The following PCP4L1 variants were observed in gnomAD, a reference collection of about 807,000 sequenced individuals.
PCP4L1 encodes Purkinje cell protein 4 like 1, also known as Purkinje cell protein 4-like protein 1.
In PCP4L1, 9 loss-of-function variants were observed where a neutral mutation model predicts 9.6. The observed-to-expected ratio is 0.94, with a 90% CI of 0.57 to 1.64. The LOEUF is 1.64. PCP4L1 is among the 40% of genes most tolerant of loss of function. PCP4L1 has a pLI of 0.00. For missense variants in PCP4L1, 81 were observed against 80.8 expected, an observed-to-expected ratio of 1.00 and a Z score of -0.01; for synonymous variants, 31 against 28.2, an observed-to-expected ratio of 1.10 and a Z score of -0.31.
Position 161,284,466 on chromosome 1 carries a change from G to T in PCP4L1, c.192G>T (p.Lys64Asn), listed in dbSNP as rs116246087. 1 of 1,613,520 alleles carries T rather than the reference G, an allele frequency of 6.2e-7. No individual in the cohort carries two copies. The highest frequency in any genetic ancestry group is 1.1e-5 in the South Asian group (1 of 91,000). ...GKFRRFQKRK[K>N]DPSS The stretch of plus-strand genomic sequence containing the variant: ...TCCGGCGATTTCAGAAAAGGAAAAA[G>T]GATCCCAGCTCCTGAATGGCCAGGC... Residue 64 changes from lysine (K) to asparagine (N), a missense_variant, in exon 3 of 3, where the codon AAG becomes AAT. Transcript: ENST00000504449.
intron 1 of PCP4L1, among the ~76,000 whole-genome samples, chr1:161,277,495 G>C (rs1669718465): frequency 6.6e-6 from 1 of 152,186 alleles, no homozygotes; most frequent in Non-Finnish European, 1.5e-5. Flanking sequence ...AGAGATTTCA[G>C]AGGATTAAAT....
At chr1:161,261,517 C>T (rs1669416790) in intron 1 of PCP4L1, among the ~76,000 whole-genome samples, 1 of 152,244 alleles carries the variant, frequency 6.6e-6, no homozygotes, top group African/African-American at 2.4e-5. Flanking sequence ...ACTCTATCTC[C>T]TGTGGTTTAA....
At chr1:161,270,566 G>C (rs1404951602) in intron 1 of PCP4L1, among the ~76,000 whole-genome samples, 4 of 12,402 alleles carry the variant, frequency 3.2e-4, no homozygotes, top group Non-Finnish European at 4.9e-4. Context: ...GAGACCCCAG[G>C]CTCAAAAAAA....
chr1:161,281,436 A>C (rs1378326337), intron 1 of PCP4L1, among the ~76,000 whole-genome samples: 3 of 130,644 alleles, frequency 2.3e-5, no homozygotes, highest in Middle Eastern at 5.5e-3. Flanking sequence ...AGGCGCCCCC[A>C]CCTCCCGGAC....
intron 1 of PCP4L1, among the ~76,000 whole-genome samples, chr1:161,283,177 T>C (rs114090136): frequency 0.028 from 4,321 of 152,222 alleles, 203 homozygotes; most frequent in African/African-American, 0.099. Context: ...CTAGTCACAC[T>C]TCCAACCCAG....
chr1:161,268,434 A>G (rs551693851), intron 1 of PCP4L1, among the ~76,000 whole-genome samples: 1 of 152,186 alleles, frequency 6.6e-6, no homozygotes, highest in South Asian at 2.1e-4. Context: ...ATACCTCAGC[A>G]TCTTGACCTA....
chr1:161,270,225 A>C (rs1330423260), intron 1 of PCP4L1, among the ~76,000 whole-genome samples: 2 of 152,026 alleles, frequency 1.3e-5, no homozygotes, highest in African/African-American at 2.4e-5. Flanking sequence ...TGAACTCAGG[A>C]GTCAGAGGCT....
intron 1 of PCP4L1, among the ~76,000 whole-genome samples, chr1:161,260,095 TACAGAAATTTA>T (rs1213169262): frequency 3.3e-5 from 5 of 152,176 alleles, no homozygotes; most frequent in Admixed American, 2.0e-4. Flanking sequence ...ATTAGAGTAT[TACAGAAATTTA>T]ACAGAAGAAT....
chr1:161,265,732 CTTTTTTTTTTTTT>C (rs869123262), intron 1 of PCP4L1, among the ~76,000 whole-genome samples: 3 of 76,704 alleles, frequency 3.9e-5, no homozygotes, highest in Admixed American at 3.4e-4. Flanking sequence ...TCCAAAACCA[CTTTTTTTTTTTTT>C]TTTTTTTTTT....
chr1:161,284,410 G>C lies in PCP4L1; in HGVS notation c.136G>C (p.Glu46Gln), dbSNP rs1274124734. 2 of 1,614,008 alleles carry C rather than the reference G, an allele frequency of 1.2e-6. No homozygotes were observed. ...CATTGATCTGACAGCACCAGAAACA[G>C]AGAAGGCTGCCCTTGCTATTCAGGG... ...IDIDLTAPET[E>Q]KAALAIQGKF... Residue 46 changes from glutamate to glutamine, a missense_variant, in exon 3 of 3, where the codon GAG becomes CAG. Coordinates refer to ENST00000504449, the MANE Select transcript of PCP4L1 (RefSeq NM_001102566.2).
intron 1 of PCP4L1, among the ~76,000 whole-genome samples, chr1:161,262,033 T>C (rs1179775964): frequency 6.6e-6 from 1 of 152,240 alleles, no homozygotes; most frequent in African/African-American, 2.4e-5. Flanking sequence ...GGGAACCTGG[T>C]GTGGACTTGG....
chr1:161,269,674 G>T (rs1283595634), intron 1 of PCP4L1, among the ~76,000 whole-genome samples: 2 of 152,130 alleles, frequency 1.3e-5, no homozygotes, highest in Non-Finnish European at 2.9e-5. Context: ...GGTAATCAGA[G>T]GCTGAACAAT....
Position 161,263,248 on chromosome 1 carries a change from T to TG in PCP4L1, c.9+4265_9+4266insG, listed in dbSNP as rs199502775. ...TTGTTTTTGTTTTTGTTTTTGTTTT[T>TG]TTTTGGGTTGGAGTCTTGCACTGTT... On this transcript the variant is annotated intron_variant, in intron 1 of 2. Transcript: ENST00000504449. Among the ~76,000 whole-genome samples the TG allele has an allele frequency of 8.0e-3, 1,020 of 127,996 alleles. 5 individuals are homozygous for TG. Among genetic ancestry groups the TG allele is most frequent in the Non-Finnish European group, 0.011 (622 of 54,190 alleles). The allele number at this position is 127,996 out of a possible 152,430, so 84.0% of individuals were successfully genotyped here. A position where few individuals can be genotyped will look rare whatever the true frequency, so the allele number is the denominator to read the frequency against.
intron 1 of PCP4L1, among the ~76,000 whole-genome samples, chr1:161,269,238 CAG>C (rs34912814): frequency 0.049 from 7,505 of 152,024 alleles, 244 homozygotes; most frequent in Non-Finnish European, 0.072. Flanking sequence ...TAAAATCTAT[CAG>C]GGTGCTGAGG....
intron 1 of PCP4L1, among the ~76,000 whole-genome samples, chr1:161,270,139 A>G (rs1669598501): frequency 6.6e-6 from 1 of 152,098 alleles, no homozygotes; most frequent in Admixed American, 6.5e-5. Flanking sequence ...TCTACTAAAA[A>G]TACAAAAATT....
chr1:161,275,498 A>G (rs541178742), intron 1 of PCP4L1, among the ~76,000 whole-genome samples: 1 of 141,458 alleles, frequency 7.1e-6, no homozygotes, highest in South Asian at 2.4e-4. Context: ...TCTGGGCGAC[A>G]GAGCAAGACT....
rs539872397 is a variant in PCP4L1, at chr1:161,262,433, C to CAAAAAA, written c.9+3468_9+3473dup. ...TGGGCGACAGAGCGAGACTCCATCT[C>CAAAAAA]AAAAAAAAAAAAAAAAAAAAAAAGA... On this transcript the variant is annotated intron_variant, in intron 1 of 2. Coordinates refer to ENST00000504449, the MANE Select transcript of PCP4L1 (RefSeq NM_001102566.2). Among the ~76,000 whole-genome samples the CAAAAAA allele has an allele frequency of 1.3e-3, 80 of 62,868 alleles. 1 individual carries two copies. The highest frequency in any genetic ancestry group is 8.5e-3 in the Middle Eastern group (1 of 118). 41.2% of individuals were successfully genotyped at this position (62,868 alleles called of 152,430 possible).
At chr1:161,262,433 C>CAAAAAAAA (rs539872397) in intron 1 of PCP4L1, among the ~76,000 whole-genome samples, 4 of 63,130 alleles carry the variant, frequency 6.3e-5, no homozygotes, top group Non-Finnish European at 1.2e-4. Context: ...GACTCCATCT[C>CAAAAAAAA]AAAAAAAAAA....
At chr1:161,276,152 GT>G (rs1669695668) in intron 1 of PCP4L1, among the ~76,000 whole-genome samples, 1 of 152,126 alleles carries the variant, frequency 6.6e-6, no homozygotes, top group Non-Finnish European at 1.5e-5. Context: ...CCTGTGGAAG[GT>G]GTCACCTCAG....
Sources: gnomAD v4.1 joint callset for allele counts (sites outside exome capture counted in the v4.1 genomes callset) on GRCh38, gnomAD v4.1.1 for gene constraint, MANE v1.5 for transcripts, NCBI Gene and HGNC (gene_info 2026-07-23, HGNC 2026-07-21) for gene names.